EBF1: variants seen among roughly 807,000 people sequenced by gnomAD.
The protein encoded by EBF1 is transcription factor COE1.
In EBF1, 10 loss-of-function variants were observed where a neutral mutation model predicts 68.4. That is an observed-to-expected ratio of 0.15 (90% CI 0.09 to 0.25). The LOEUF (loss-of-function observed/expected upper bound fraction) is 0.25. Ranked by LOEUF, EBF1 falls within the 10% of genes least tolerant of loss-of-function variation. The probability of loss-of-function intolerance (pLI) is 1.00; values close to 1 mark genes in which losing one functional copy is unlikely to be tolerated. For synonymous variants in EBF1, 298 were observed against 299.8 expected (o/e 0.99, Z 0.06); for missense variants, 509 against 794.4 (o/e 0.64, Z 4.32).
intron 6 of EBF1, among the ~76,000 whole-genome samples, chr5:158,870,245 C>T (rs1296714438): frequency 6.6e-6 from 1 of 152,142 alleles, no homozygotes; most frequent in Non-Finnish European, 1.5e-5. Flanking sequence ...AAGGACTGGG[C>T]ATTTCTGGAG....
chr5:158,889,558 C>T (rs149838133), intron 6 of EBF1, among the ~76,000 whole-genome samples: 12 of 152,278 alleles, frequency 7.9e-5, no homozygotes, highest in African/African-American at 2.9e-4. Flanking sequence ...TGATGCTGAG[C>T]TACGAGAATG....
intron 4 of EBF1, among the ~76,000 whole-genome samples, chr5:159,089,213 AAAG>A (rs199674124): frequency 3.7e-4 from 56 of 152,278 alleles, no homozygotes; most frequent in African/African-American, 1.3e-3. Context: ...TAATTAACTA[AAAG>A]AAGAAGAAAA....
chr5:158,731,843 A>G (rs1053508969), intron 10 of EBF1, among the ~76,000 whole-genome samples: 1 of 152,234 alleles, frequency 6.6e-6, no homozygotes, highest in African/African-American at 2.4e-5. Context: ...CTCCAAGAAT[A>G]ATCCTTGAAA....
intron 10 of EBF1, among the ~76,000 whole-genome samples, chr5:158,741,149 G>T (rs1766296614): frequency 6.6e-6 from 1 of 152,164 alleles, no homozygotes. Context: ...ACACAACTTT[G>T]CACACCTCAG....
chr5:158,916,758 T>C (rs902971279), intron 6 of EBF1, among the ~76,000 whole-genome samples: 3 of 152,308 alleles, frequency 2.0e-5, no homozygotes, highest in Middle Eastern at 3.4e-3. Context: ...ATAGTTTCCC[T>C]CACTTTTCAA....
chr5:158,829,533 T>C (rs1424230439), intron 7 of EBF1, among the ~76,000 whole-genome samples: 1 of 151,444 alleles, frequency 6.6e-6, no homozygotes, highest in South Asian at 2.1e-4. Context: ...ACATCAATTG[T>C]AACATGTATC....
At chr5:158,733,857 C>G (rs746694113) in intron 10 of EBF1, among the ~76,000 whole-genome samples, 2 of 152,128 alleles carry the variant, frequency 1.3e-5, no homozygotes, top group Non-Finnish European at 2.9e-5. Flanking sequence ...CCAAAGGAAC[C>G]TGATGATTTA....
At chr5:158,814,169 C>A (rs1783237722) in intron 8 of EBF1, among the ~76,000 whole-genome samples, 1 of 152,076 alleles carries the variant, frequency 6.6e-6, no homozygotes, top group South Asian at 2.1e-4. Flanking sequence ...AACATAGGAA[C>A]CCTGTCTCTA....
At chr5:158,898,506 C>T (rs771825121) in intron 6 of EBF1, among the ~76,000 whole-genome samples, 1 of 152,180 alleles carries the variant, frequency 6.6e-6, no homozygotes, top group Non-Finnish European at 1.5e-5. Flanking sequence ...TTTATTTTTG[C>T]AATGCAACTT....
At chr5:158,768,071 C>T (rs184188126) in intron 10 of EBF1, among the ~76,000 whole-genome samples, 2 of 152,106 alleles carry the variant, frequency 1.3e-5, no homozygotes, top group East Asian at 1.9e-4. Context: ...TTTTGGGAGC[C>T]GCTCCCAAGC....
intron 14 of EBF1, 121 bp from the exon 15 acceptor site, chr5:158,708,294 A>T (rs1049765522): frequency 1.5e-5 from 15 of 998,258 alleles, no homozygotes; most frequent in South Asian, 3.3e-5. Flanking sequence ...TGCTTCCAGC[A>T]CAAACCTTCC....
rs1239373652 is a variant in EBF1 at position 158,773,502 on chromosome 5, T to C, written c.1036+3911A>G. On this transcript the variant is annotated intron_variant, in intron 10 of 15. Transcript: ENST00000313708. ...ACCAGACATCTGAGTTGTTAGATGA[T>C]CATTCATCAGGGTTTTCACCAACTT... Among the ~76,000 whole-genome samples, 3 of 152,124 alleles carry C rather than the reference T, an allele frequency of 2.0e-5. No individual in the cohort carries two copies. In the East Asian group the frequency reaches 5.8e-4, roughly 29 times the overall value.
chr5:158,775,938 T>C (rs1433725082), intron 10 of EBF1, among the ~76,000 whole-genome samples: 1 of 152,124 alleles, frequency 6.6e-6, no homozygotes, highest in Non-Finnish European at 1.5e-5. Context: ...GCTGAACCAA[T>C]GAGCCTAATT....
chr5:158,962,299 C>T (rs923218893), intron 6 of EBF1, among the ~76,000 whole-genome samples: 2 of 152,148 alleles, frequency 1.3e-5, no homozygotes, highest in African/African-American at 4.8e-5. Context: ...AAACTCAGAG[C>T]TTCCAATTCA....
intron 5 of EBF1, among the ~76,000 whole-genome samples, chr5:159,075,614 C>T (rs752739342): frequency 6.6e-6 from 1 of 152,178 alleles, no homozygotes; most frequent in Non-Finnish European, 1.5e-5. Context: ...AGTCCTTGGA[C>T]TCTGCAGTGG....
chr5:158,821,669 A>G (rs1784841745), intron 8 of EBF1, among the ~76,000 whole-genome samples: 1 of 152,184 alleles, frequency 6.6e-6, no homozygotes, highest in South Asian at 2.1e-4. Context: ...CTCTAGTCAC[A>G]CAATGCCTTA....
intron 6 of EBF1, among the ~76,000 whole-genome samples, chr5:158,848,095 C>T (rs933704473): frequency 2.0e-5 from 3 of 152,176 alleles, no homozygotes; most frequent in Non-Finnish European, 2.9e-5. Context: ...GAGTGCTTTG[C>T]ATGTATCAGT....
intron 6 of EBF1, among the ~76,000 whole-genome samples, chr5:158,911,858 C>T (rs1008913511): frequency 6.6e-6 from 1 of 152,182 alleles, no homozygotes; most frequent in African/African-American, 2.4e-5. Flanking sequence ...ATGCTGTCAT[C>T]CCATTGTTAT....
At chr5:159,072,345 T>G (rs1415392026) in intron 6 of EBF1, among the ~76,000 whole-genome samples, 1 of 152,248 alleles carries the variant, frequency 6.6e-6, no homozygotes, top group African/African-American at 2.4e-5. Context: ...GTAAACATCT[T>G]GTTTTTTGTT....
Sources: gnomAD v4.1 joint callset for allele counts (sites outside exome capture counted in the v4.1 genomes callset) on GRCh38, gnomAD v4.1.1 for gene constraint, MANE v1.5 for transcripts, NCBI Gene and HGNC (gene_info 2026-07-23, HGNC 2026-07-21) for gene names.